Variants in RIC3 observed in about 807,000 individuals in gnomAD.
The protein encoded by RIC3 is RIC3 acetylcholine receptor chaperone, also known as protein RIC-3.
RIC3 carries 28 observed loss-of-function variants against 27.3 expected under a neutral mutation model. The ratio of observed to expected loss-of-function variants is 1.02; its 90% confidence interval spans 0.76 to 1.41. The LOEUF (loss-of-function observed/expected upper bound fraction) is 1.41, where lower values mean the gene tolerates loss of function less well. Ranked by LOEUF, RIC3 falls within the 40% of genes most tolerant of loss-of-function variation. The pLI is 0.00. For missense variants in RIC3, 501 were observed against 444.7 expected (o/e 1.13, Z -1.14); for synonymous variants, 184 against 160.4 (o/e 1.15, Z -1.11).
At position 8,109,819 on chromosome 11, in the gene RIC3, T is replaced by A. The variant is rs1386206023; in HGVS notation, c.*879A>T. 2 of 152,336 alleles carry A rather than the reference T, an allele frequency of 1.3e-5. No individual in the cohort carries two copies. The highest frequency in any genetic ancestry group is 1.3e-4 in the Admixed American group (2 of 15,298). 9.4% of individuals were successfully genotyped at this position (152,336 alleles called of 1,614,324 possible). On this transcript the variant is annotated 3_prime_UTR_variant, in exon 6 of 6. Coordinates refer to ENST00000309737, the MANE Select transcript of RIC3 (RefSeq NM_001206671.4). Reference sequence around the variant, plus strand: ...GAATTCACAATCTTGAGCCCTCTTATAGGGTTGCAGCCTCCTCATGGCAGG... The same window carrying A: ...GAATTCACAATCTTGAGCCCTCTTAAAGGGTTGCAGCCTCCTCATGGCAGG...
Position 8,110,437 on chromosome 11 carries a change from C to T in RIC3, c.*261G>A, listed in dbSNP as rs1476108436. 8 of 555,370 alleles carry T rather than the reference C, an allele frequency of 1.4e-5. No homozygotes were observed. The highest frequency in any genetic ancestry group is 2.3e-5 in the Non-Finnish European group (7 of 308,002). The allele number at this position is 555,370 out of a possible 1,614,324, so 34.4% of individuals were successfully genotyped here. A position where few individuals can be genotyped will look rare whatever the true frequency, so the allele number is the denominator to read the frequency against. Reference sequence around the variant, plus strand: ...AATTACAATAGACCAAACATAATTACTTAATGGATCAACTTCTCTGATAGA... The same window carrying T: ...AATTACAATAGACCAAACATAATTATTTAATGGATCAACTTCTCTGATAGA... On this transcript the variant is annotated 3_prime_UTR_variant, in exon 6 of 6. Coordinates refer to ENST00000309737, the MANE Select transcript of RIC3 (RefSeq NM_001206671.4).
At chr11:8,156,532 A>G (rs1460009831) in intron 1 of RIC3, among the ~76,000 whole-genome samples, 2 of 152,166 alleles carry the variant, frequency 1.3e-5, no homozygotes, top group African/African-American at 4.8e-5. Context: ...CTGAATTCCT[A>G]AACAACTGAA....
intron 1 of RIC3, among the ~76,000 whole-genome samples, chr11:8,165,808 T>C (rs1182576599): frequency 6.8e-6 from 1 of 146,168 alleles, no homozygotes; most frequent in Non-Finnish European, 1.5e-5. Flanking sequence ...TGGCAGAGTC[T>C]CACTGTGTTG....
At chr11:8,127,879 T>C (rs1038033408) in intron 4 of RIC3, among the ~76,000 whole-genome samples, 10 of 152,134 alleles carry the variant, frequency 6.6e-5, no homozygotes, top group African/African-American at 2.2e-4. Flanking sequence ...TAATGACTAA[T>C]AAGGAAAATG....
chr11:8,118,228 A>C (rs1374397606), intron 5 of RIC3, among the ~76,000 whole-genome samples: 1 of 150,636 alleles, frequency 6.6e-6, no homozygotes, highest in Non-Finnish European at 1.5e-5. Context: ...CCATCTCAAA[A>C]AAAAAAAAAA....
chr11:8,122,502 G>C (rs1036125278), intron 5 of RIC3, among the ~76,000 whole-genome samples: 2 of 151,206 alleles, frequency 1.3e-5, no homozygotes, highest in African/African-American at 4.8e-5. Context: ...AAGACATATG[G>C]GTTGTTTCCA....
chr11:8,097,437 C>T, the RIC3 span: 2 of 1,614,184 alleles, frequency 1.2e-6, no homozygotes, highest in Non-Finnish European at 1.7e-6. Context: ...TAAGGTTGGT[C>T]TGGGCATGTT....
At chr11:8,165,421 G>A (rs781579822) in intron 1 of RIC3, among the ~76,000 whole-genome samples, 12 of 66,898 alleles carry the variant, frequency 1.8e-4, no homozygotes, top group South Asian at 5.1e-4. Flanking sequence ...GTTAAAAGAC[G>A]TCAGTCACAA....
intron 1 of RIC3, among the ~76,000 whole-genome samples, chr11:8,168,440 C>T (rs1029524360): frequency 1.3e-5 from 2 of 152,158 alleles, no homozygotes; most frequent in Non-Finnish European, 2.9e-5. Flanking sequence ...TGTACCAATT[C>T]CATTTGCCTT....
chr11:8,164,781 CAAAA>C (rs199958835), intron 1 of RIC3, among the ~76,000 whole-genome samples: 3,215 of 83,402 alleles, frequency 0.039, 18 homozygotes, highest in Middle Eastern at 0.07. Context: ...CTGTCTCTCT[CAAAA>C]AAAAAAAAAA....
At chr11:8,101,479 G>A (rs1385743663), downstream of RIC3, 11 of 1,614,090 alleles carry the variant, frequency 6.8e-6, no homozygotes, top group Non-Finnish European at 9.3e-6. Context: ...CCTGTGCTTG[G>A]CCCCAGCGGA....
At chr11:8,136,404 T>G (rs965424418) in intron 4 of RIC3, among the ~76,000 whole-genome samples, 1 of 152,190 alleles carries the variant, frequency 6.6e-6, no homozygotes, top group African/African-American at 2.4e-5. Flanking sequence ...CTAATATTCT[T>G]CCTCCATCCT....
At chr11:8,125,012 G>C (rs1378985592) in intron 5 of RIC3, among the ~76,000 whole-genome samples, 1 of 152,112 alleles carries the variant, frequency 6.6e-6, no homozygotes, top group Non-Finnish European at 1.5e-5. Flanking sequence ...CCAGCACTTT[G>C]GGATGCCGAA....
At chr11:8,135,701 C>T (rs1948318064) in intron 4 of RIC3, 1 of 152,310 alleles carries the variant, frequency 6.6e-6, no homozygotes, top group Non-Finnish European at 1.5e-5. Context: ...TCCTTCACAT[C>T]CCTTGTAAGT....
At chr11:8,153,785 A>C (rs1365370570) in intron 1 of RIC3, among the ~76,000 whole-genome samples, 1 of 152,140 alleles carries the variant, frequency 6.6e-6, no homozygotes, top group African/African-American at 2.4e-5. Flanking sequence ...CTACCACCTC[A>C]AGCCTAAAAA....
the RIC3 span, among the ~76,000 whole-genome samples, chr11:8,099,690 C>T: frequency 6.6e-6 from 1 of 152,026 alleles, no homozygotes; most frequent in Non-Finnish European, 1.5e-5. Flanking sequence ...TTTATAAACA[C>T]TAAGAAGAAA....
At chr11:8,130,388 C>T (rs1019150418) in intron 4 of RIC3, among the ~76,000 whole-genome samples, 3 of 152,184 alleles carry the variant, frequency 2.0e-5, no homozygotes, top group African/African-American at 7.2e-5. Flanking sequence ...GTTCCTGCTC[C>T]CTAAATGCCC....
intron 4 of RIC3, among the ~76,000 whole-genome samples, chr11:8,132,169 C>T (rs1232273256): frequency 6.6e-6 from 1 of 152,160 alleles, no homozygotes; most frequent in Non-Finnish European, 1.5e-5. Flanking sequence ...ATTGTTACAA[C>T]TTGGCATGCT....
At chr11:8,123,356 C>T (rs1946669132) in intron 5 of RIC3, among the ~76,000 whole-genome samples, 1 of 151,970 alleles carries the variant, frequency 6.6e-6, no homozygotes, top group Admixed American at 6.6e-5. Context: ...CCTTGAGAAA[C>T]TAGAGAAAGG....
Sources: gnomAD v4.1 joint callset for allele counts (sites outside exome capture counted in the v4.1 genomes callset) on GRCh38, gnomAD v4.1.1 for gene constraint, MANE v1.5 for transcripts, NCBI Gene and HGNC (gene_info 2026-07-23, HGNC 2026-07-21) for gene names.